Variants in RNF32 observed in about 807,000 individuals in gnomAD.
RNF32 encodes ring finger protein 32.
Under a neutral mutation model 41.0 loss-of-function variants are expected in RNF32, and 36 were observed. That is an observed-to-expected ratio of 0.88 (90% CI 0.67 to 1.16). The LOEUF is 1.16. Among genes scored for constraint, RNF32 ranks in the 50% most tolerant of loss-of-function variants. RNF32 has a pLI of 0.00. For synonymous variants in RNF32, 154 were observed against 160.9 expected (o/e 0.96, Z 0.32); for missense variants, 413 against 436.7 (o/e 0.95, Z 0.48).
At chr7:156,659,625 T>A in intron 7 of RNF32, 1 of 922,756 alleles carries the variant, frequency 1.1e-6, no homozygotes, top group Non-Finnish European at 1.3e-6. Flanking sequence ...ACCTTATATA[T>A]ATAAATATTT....
At chr7:156,654,845 C>A in intron 4 of RNF32, 127 bp downstream of exon 4, 2 of 802,056 alleles carry the variant, frequency 2.5e-6, no homozygotes, top group Non-Finnish European at 4.0e-6. Context: ...GCCTCACACA[C>A]TTCCATTTTG....
rs1157381658 is a variant in RNF32, at chr7:156,677,072, G to C, written c.*417G>C. On this transcript the variant is annotated 3_prime_UTR_variant, in exon 9 of 9. Transcript: ENST00000317955. ...TAATACTCGTTTTGTAATAATTGCT[G>C]TATTTCTGTGTAATAAAATATAAAA... 1.3e-5 allele frequency: 2 copies of C among 158,884 alleles called. No homozygotes were observed. Among genetic ancestry groups the C allele is most frequent in the Non-Finnish European group, 2.8e-5 (2 of 71,862 alleles). 9.8% of individuals were successfully genotyped at this position (158,884 alleles called of 1,614,324 possible). A position where few individuals can be genotyped will look rare whatever the true frequency, so the allele number is the denominator to read the frequency against.
chr7:156,640,742 G>A (rs1426336885), upstream of RNF32: 1 of 277,326 alleles, frequency 3.6e-6, no homozygotes, highest in African/African-American at 2.4e-5. Context: ...GCAACGGTGG[G>A]CGGCCAGGGA....
intron 3 of RNF32, among the ~76,000 whole-genome samples, chr7:156,647,861 T>C (rs1175579901): frequency 2.0e-5 from 3 of 152,222 alleles, no homozygotes; most frequent in Non-Finnish European, 4.4e-5. Context: ...TGTGACTTTT[T>C]AGTAATGGTC....
Position 156,676,743 on chromosome 7 carries a change from A to G in RNF32, c.*88A>G. 4.4e-6 allele frequency: 4 copies of G among 913,186 alleles called. No individual in the cohort carries two copies. In the South Asian group the frequency reaches 5.9e-5, roughly 13 times the overall value. The allele number at this position is 913,186 out of a possible 1,614,324, so 56.6% of individuals were successfully genotyped here. ...CTGCATGAGTTCTGGGTTAAGTACT[A>G]CAATGTAATCTGTTTCCCAGGGAAA... is the stretch of plus-strand genomic sequence containing the variant. On this transcript the variant is annotated 3_prime_UTR_variant, in exon 9 of 9. Coordinates refer to ENST00000317955, the MANE Select transcript of RNF32 (RefSeq NM_030936.4).
chr7:156,675,938 G>C (rs1803859695), intron 8 of RNF32, 75 bp downstream of exon 8: 1 of 1,433,580 alleles, frequency 7.0e-7, no homozygotes, highest in Non-Finnish European at 9.6e-7. Flanking sequence ...GGCATGTGGG[G>C]GGAGGTCGAG....
In RNF32 at chr7:156,643,890, A is replaced by G; in HGVS notation, c.13A>G (p.Lys5Glu). Residue 5 changes from lysine to glutamate, a missense_variant and splice_region_variant, in exon 2 of 9, where the codon AAG (lysine) becomes GAG (glutamate). By Grantham distance (56) the Lys-to-Glu change is moderately conservative. Transcript: ENST00000317955. MLKN[K>E]GHSSKKDNLA... ...TTCCTAATTCGGCATGTTAAAAAATAAGGTACGCTATTCTTTTCTTAAACA... is the reference window on the plus strand; with the variant it reads ...TTCCTAATTCGGCATGTTAAAAAATGAGGTACGCTATTCTTTTCTTAAACA... 2 of 1,611,196 alleles carry G rather than the reference A, an allele frequency of 1.2e-6. No individual in the cohort carries two copies. The highest frequency in any genetic ancestry group is 1.7e-6 in the Non-Finnish European group (2 of 1,177,448).
chr7:156,664,514 T>C (rs1416911234), intron 7 of RNF32, among the ~76,000 whole-genome samples: 1 of 152,186 alleles, frequency 6.6e-6, no homozygotes, highest in Admixed American at 6.5e-5. Flanking sequence ...AGGTGGTAAT[T>C]TGTCCTGGTT....
chr7:156,649,411 T>C (rs576371625), intron 3 of RNF32, among the ~76,000 whole-genome samples: 2 of 152,300 alleles, frequency 1.3e-5, no homozygotes, highest in Non-Finnish European at 2.9e-5. Context: ...TTCCCTGCTT[T>C]TTTTTTAATC....
At chr7:156,648,737 A>G (rs1798307846) in intron 3 of RNF32, among the ~76,000 whole-genome samples, 5 of 152,176 alleles carry the variant, frequency 3.3e-5, no homozygotes, top group South Asian at 2.1e-4. Context: ...CATATTCTAC[A>G]TAGTAATCTC....
At chr7:156,667,155 G>T (rs1014260672) in intron 7 of RNF32, among the ~76,000 whole-genome samples, 1 of 152,166 alleles carries the variant, frequency 6.6e-6, no homozygotes, top group African/African-American at 2.4e-5. Flanking sequence ...GGACTGGAAG[G>T]ATATTAAACC....
At chr7:156,651,867 T>C (rs1263283190) in intron 3 of RNF32, among the ~76,000 whole-genome samples, 4 of 152,236 alleles carry the variant, frequency 2.6e-5, no homozygotes, top group African/African-American at 9.6e-5. Context: ...CAGGGCACTT[T>C]ATCAATGGGG....
intron 7 of RNF32, among the ~76,000 whole-genome samples, chr7:156,665,816 T>C (rs1233065794): frequency 6.6e-6 from 1 of 152,156 alleles, no homozygotes; most frequent in African/African-American, 2.4e-5. Context: ...TTTTTAAACT[T>C]ACCTTACCAA....
At position 156,658,513 on chromosome 7, in the gene RNF32, G is replaced by T; in HGVS notation, c.627G>T (p.Leu209=). ...GCVVRKWYRN[L]RKTVPPTDAK... ...TTGTTAGAAAGTGGTACAGAAACCT[G>T]AGGAAAACAGTACCTCCCACAGATG... The change falls in exon 7 of 9, where the codon CTG becomes CTT. Residue 209 remains leucine (L), a synonymous_variant. Coordinates refer to ENST00000317955, the MANE Select transcript of RNF32 (RefSeq NM_030936.4). The T allele has an allele frequency of 6.2e-7, 1 of 1,613,956 alleles. No homozygotes were observed. The highest frequency in any genetic ancestry group is 8.5e-7 in the Non-Finnish European group (1 of 1,179,856).
intron 7 of RNF32, among the ~76,000 whole-genome samples, chr7:156,662,343 A>G (rs1222808644): frequency 6.6e-6 from 1 of 152,216 alleles, no homozygotes; most frequent in Non-Finnish European, 1.5e-5. Context: ...TGCATATTTA[A>G]TGGAATCCAA....
At chr7:156,654,948 T>C (rs1275893061) in intron 4 of RNF32, 1 of 393,110 alleles carries the variant, frequency 2.5e-6, no homozygotes, top group Admixed American at 3.9e-5. Context: ...CTAAAGTTTG[T>C]ACAAAAGGAA....
chr7:156,675,394 T>C (rs1803643219), intron 7 of RNF32, among the ~76,000 whole-genome samples: 1 of 152,182 alleles, frequency 6.6e-6, no homozygotes, highest in Non-Finnish European at 1.5e-5. Context: ...CTCCTGCAGC[T>C]GTCATTTCTC....
At chr7:156,671,424 A>C (rs1449328732) in intron 7 of RNF32, among the ~76,000 whole-genome samples, 1 of 152,226 alleles carries the variant, frequency 6.6e-6, no homozygotes, top group East Asian at 1.9e-4. Flanking sequence ...GACGAAAGAG[A>C]TTCTAAAGCA....
intron 7 of RNF32, among the ~76,000 whole-genome samples, chr7:156,664,204 G>A (rs888784410): frequency 2.0e-5 from 3 of 152,234 alleles, no homozygotes; most frequent in Non-Finnish European, 2.9e-5. Flanking sequence ...GCTCACGCCT[G>A]TAATCCCAGC....
Sources: gnomAD v4.1 joint callset for allele counts (sites outside exome capture counted in the v4.1 genomes callset) on GRCh38, gnomAD v4.1.1 for gene constraint, MANE v1.5 for transcripts, NCBI Gene and HGNC (gene_info 2026-07-23, HGNC 2026-07-21) for gene names.